The following PPP2R2B variants were observed in gnomAD, a reference collection of about 807,000 sequenced individuals.
PPP2R2B encodes the protein protein phosphatase 2 regulatory subunit Bbeta, also known as serine/threonine-protein phosphatase 2A 55 kDa regulatory subunit B beta isoform.
Under a neutral mutation model 46.0 loss-of-function variants are expected in PPP2R2B, and 5 were observed. That is an observed-to-expected ratio of 0.11 (90% CI 0.06 to 0.23). PPP2R2B has a LOEUF of 0.23. Among genes scored for constraint, PPP2R2B ranks in the 10% least tolerant of loss-of-function variants. The pLI is 1.00. For synonymous variants in PPP2R2B, 215 were observed against 206.7 expected, an observed-to-expected ratio of 1.04 and a Z score of -0.34; for missense variants, 367 against 575.0, an observed-to-expected ratio of 0.64 and a Z score of 3.70.
intron 2 of PPP2R2B, among the ~76,000 whole-genome samples, chr5:146,714,184 A>G (rs1232506125): frequency 1.3e-5 from 2 of 152,206 alleles, no homozygotes; most frequent in Non-Finnish European, 2.9e-5. Context: ...TGAAGTTCAG[A>G]CAAGTGACCA....
intron 1 of PPP2R2B, among the ~76,000 whole-genome samples, chr5:146,916,754 C>G: frequency 6.6e-6 from 1 of 152,004 alleles, no homozygotes; most frequent in East Asian, 1.9e-4. Flanking sequence ...GTGAAAAGCT[C>G]AGTAGTTTCA....
chr5:146,894,094 G>A (rs1762572226), intron 1 of PPP2R2B, among the ~76,000 whole-genome samples: 1 of 152,078 alleles, frequency 6.6e-6, no homozygotes, highest in South Asian at 2.1e-4. Flanking sequence ...ATCCATTTAC[G>A]CTGCTACTAA....
chr5:146,977,506 C>T (rs796180308), intron 1 of PPP2R2B, among the ~76,000 whole-genome samples: 8 of 152,048 alleles, frequency 5.3e-5, no homozygotes, highest in East Asian at 3.9e-4. Context: ...GGTATTTCTC[C>T]GCATGCTATC....
At chr5:146,784,523 T>G (rs577746556) in intron 2 of PPP2R2B, among the ~76,000 whole-genome samples, 26 of 152,280 alleles carry the variant, frequency 1.7e-4, no homozygotes, top group African/African-American at 5.3e-4. Context: ...TCAGTAAATA[T>G]CATACCTTCT....
At chr5:146,626,649 G>T (rs1478309143) in intron 7 of PPP2R2B, among the ~76,000 whole-genome samples, 1 of 152,218 alleles carries the variant, frequency 6.6e-6, no homozygotes, top group East Asian at 1.9e-4. Flanking sequence ...GCTTGTTACA[G>T]GGCATGACGA....
chr5:146,847,576 C>T (rs1234508264), intron 2 of PPP2R2B, among the ~76,000 whole-genome samples: 1 of 152,180 alleles, frequency 6.6e-6, no homozygotes, highest in African/African-American at 2.4e-5. Flanking sequence ...AGGGCTTGTG[C>T]TCTGTTGGTG....
intron 2 of PPP2R2B, among the ~76,000 whole-genome samples, chr5:146,807,763 C>T (rs1165874015): frequency 1.5e-5 from 2 of 132,254 alleles, no homozygotes; most frequent in Admixed American, 8.3e-5. Flanking sequence ...GGTTAAACCT[C>T]CTGGGGTGCC....
At position 146,867,731 on chromosome 5, in the gene PPP2R2B, T is replaced by A. The variant is rs555289402; in HGVS notation, c.70+10271A>T. ...CACGCACCCTGGCTTCTGTGGTTAA[T>A]TATATTTTGAGAAGGACGGAGTGTC... On this transcript the variant is annotated intron_variant, in intron 2 of 9. Transcript: ENST00000394411. Among the ~76,000 whole-genome samples, 4 of 152,246 alleles carry A rather than the reference T, an allele frequency of 2.6e-5. No homozygotes were observed. In the South Asian group the frequency reaches 8.3e-4, roughly 32 times the overall value.
rs542148608 is a variant in PPP2R2B, at chr5:146,829,712, A to G, written c.70+48290T>C. ...TTTCATACAGGTGGGTAAGAAAACC[A>G]GGATGTCTCAAACTATCCAAAGAAT... On this transcript the variant is annotated intron_variant, in intron 2 of 9. Coordinates refer to ENST00000394411, the MANE Select transcript of PPP2R2B (RefSeq NM_181675.4). Among the ~76,000 whole-genome samples the G allele has an allele frequency of 8.5e-5, 13 of 152,346 alleles. No individual in the cohort carries two copies. The East Asian group carries it at 2.3e-3, about 27-fold the overall frequency.
intron 2 of PPP2R2B, among the ~76,000 whole-genome samples, chr5:147,079,215 C>A (rs1561617738): frequency 6.6e-6 from 1 of 151,556 alleles, no homozygotes; most frequent in Non-Finnish European, 1.5e-5. Context: ...AGTAATCCCA[C>A]TACTGATTCT....
At chr5:146,784,308 C>T (rs1207633857) in intron 2 of PPP2R2B, among the ~76,000 whole-genome samples, 1 of 152,136 alleles carries the variant, frequency 6.6e-6, no homozygotes, top group Non-Finnish European at 1.5e-5. Flanking sequence ...CTCTAAATGA[C>T]TGGATTGGAT....
intron 2 of PPP2R2B, among the ~76,000 whole-genome samples, chr5:146,726,743 A>C (rs569746685): frequency 6.6e-6 from 1 of 152,174 alleles, no homozygotes; most frequent in Non-Finnish European, 1.5e-5. Context: ...GATCTGAGAA[A>C]TCTACTTTAC....
At chr5:146,972,651 G>A (rs750734920) in intron 1 of PPP2R2B, among the ~76,000 whole-genome samples, 7 of 152,128 alleles carry the variant, frequency 4.6e-5, no homozygotes, top group Admixed American at 2.0e-4. Context: ...GGCAGAGGTC[G>A]AAGTCAGCTG....
intron 2 of PPP2R2B, among the ~76,000 whole-genome samples, chr5:146,760,299 A>G (rs1561885077): frequency 6.6e-6 from 1 of 152,198 alleles, no homozygotes; most frequent in Admixed American, 6.5e-5. Flanking sequence ...ACTGAAGTAT[A>G]TGGAATTTTT....
chr5:146,706,603 T>C, intron 2 of PPP2R2B: 1 of 823,398 alleles, frequency 1.2e-6, no homozygotes, highest in Non-Finnish European at 2.1e-6. Flanking sequence ...ACCAGCTCCC[T>C]GCGCTGCTCC....
chr5:146,921,042 C>T (rs1409523155), intron 1 of PPP2R2B, among the ~76,000 whole-genome samples: 2 of 152,130 alleles, frequency 1.3e-5, no homozygotes. Context: ...TATGTTGTCT[C>T]TGGTCTTTGT....
intron 2 of PPP2R2B, among the ~76,000 whole-genome samples, chr5:146,718,860 G>C (rs761091624): frequency 6.6e-6 from 1 of 152,196 alleles, no homozygotes; most frequent in Non-Finnish European, 1.5e-5. Flanking sequence ...GGCTGAGCCA[G>C]CTTCTAGGGC....
intron 2 of PPP2R2B, among the ~76,000 whole-genome samples, chr5:146,701,680 C>T (rs1172850533): frequency 6.6e-6 from 1 of 152,214 alleles, no homozygotes; most frequent in Non-Finnish European, 1.5e-5. Flanking sequence ...ACGAATGCTC[C>T]AGCTTGGCCC....
At chr5:146,925,048 T>C (rs766417869) in intron 1 of PPP2R2B, among the ~76,000 whole-genome samples, 2 of 152,206 alleles carry the variant, frequency 1.3e-5, no homozygotes, top group African/African-American at 2.4e-5. Flanking sequence ...TCCAATATAC[T>C]GCCATTCCCT....
Sources: allele counts gnomAD v4.1 joint callset (sites outside exome capture counted in the v4.1 genomes callset), GRCh38; gene constraint gnomAD v4.1.1; transcripts MANE v1.5; gene names NCBI Gene and HGNC (gene_info 2026-07-23, HGNC 2026-07-21).